Variants in COLEC10 observed in about 807,000 individuals in gnomAD.
The protein encoded by COLEC10 is collectin subfamily member 10, also known as collectin-10.
Under a neutral mutation model 28.4 loss-of-function variants are expected in COLEC10, and 22 were observed. The observed-to-expected ratio is 0.78, with a 90% CI of 0.55 to 1.11. The LOEUF (loss-of-function observed/expected upper bound fraction) is 1.11, where lower values mean the gene tolerates loss of function less well. COLEC10 is among the 50% of genes least tolerant of loss of function. The pLI, the probability that COLEC10 is intolerant of heterozygous loss-of-function variation, is 0.00. For synonymous variants in COLEC10, 125 were observed against 116.1 expected, an observed-to-expected ratio of 1.08 and a Z score of -0.49; for missense variants, 361 against 344.1, an observed-to-expected ratio of 1.05 and a Z score of -0.39.
chr8:119,070,717 A>G (rs1815103663), intron 1 of COLEC10, among the ~76,000 whole-genome samples: 1 of 151,786 alleles, frequency 6.6e-6, no homozygotes, highest in Admixed American at 6.6e-5. Flanking sequence ...TAAAATATGT[A>G]CAGCTATTAT....
intron 5 of COLEC10, among the ~76,000 whole-genome samples, chr8:119,104,325 T>G (rs1466919722): frequency 6.6e-6 from 1 of 152,174 alleles, no homozygotes; most frequent in Non-Finnish European, 1.5e-5. Flanking sequence ...GTTTATGTAG[T>G]ATGTAGTTAC....
the COLEC10 span, among the ~76,000 whole-genome samples, chr8:118,962,143 C>T: frequency 2.6e-4 from 39 of 152,302 alleles, no homozygotes; most frequent in South Asian, 2.9e-3. Flanking sequence ...CAGCATACCA[C>T]GGTCTGCTGG....
At chr8:119,061,753 G>GA (rs890608278) in intron 2 of COLEC10, among the ~76,000 whole-genome samples, 10 of 149,854 alleles carry the variant, frequency 6.7e-5, no homozygotes, top group East Asian at 3.9e-4. Context: ...ATGAAACCAA[G>GA]AAAAAAAAAG....
the COLEC10 span, among the ~76,000 whole-genome samples, chr8:118,984,340 A>G: frequency 6.6e-6 from 1 of 152,124 alleles, no homozygotes; most frequent in African/African-American, 2.4e-5. Context: ...TTGAGGGTAC[A>G]GGGTGGGAGA....
intron 1 of COLEC10, among the ~76,000 whole-genome samples, chr8:119,070,874 G>A (rs1815109270): frequency 6.6e-6 from 1 of 152,074 alleles, no homozygotes; most frequent in African/African-American, 2.4e-5. Flanking sequence ...TCATTGTCTT[G>A]TTTAATTTCC....
At chr8:119,100,342 A>C (rs761112710) in intron 3 of COLEC10, among the ~76,000 whole-genome samples, 7 of 152,188 alleles carry the variant, frequency 4.6e-5, no homozygotes, top group Non-Finnish European at 8.8e-5. Flanking sequence ...TTAGTTCATG[A>C]GATTTAATGT....
At chr8:119,104,846 G>C (rs146917251) in intron 5 of COLEC10, among the ~76,000 whole-genome samples, 432 of 152,254 alleles carry the variant, frequency 2.8e-3, no homozygotes, top group African/African-American at 1.0e-2. Context: ...GGAGAACATA[G>C]AGCAATAGTT....
chr8:119,051,679 G>T (rs1213628329), intron 2 of COLEC10, among the ~76,000 whole-genome samples: 2 of 152,162 alleles, frequency 1.3e-5, no homozygotes, highest in Non-Finnish European at 2.9e-5. Context: ...ACAATGAAAA[G>T]CTCATACCAT....
rs1207445435 is a variant in COLEC10 at position 119,069,629 on chromosome 8, A to AAT, written c.148+2231_148+2232dup. Among the ~76,000 whole-genome samples the AAT allele has an allele frequency of 5.1e-3, 219 of 42,836 alleles. 2 individuals carry two copies. The highest frequency in any genetic ancestry group is 6.7e-3 in the Non-Finnish European group (153 of 22,784). 28.1% of individuals were successfully genotyped at this position (42,836 alleles called of 152,430 possible). A position where few individuals can be genotyped will look rare whatever the true frequency, so the allele number is the denominator to read the frequency against. On this transcript the variant is annotated intron_variant, in intron 1 of 5. Coordinates refer to ENST00000332843, the MANE Select transcript of COLEC10 (RefSeq NM_006438.5). ...TCAAAAAAAAAAAAAAAAAAAAAAA[A>AAT]ATATATATATATATATATATATATA...
At chr8:118,975,971 C>G in the COLEC10 span, among the ~76,000 whole-genome samples, 1 of 151,956 alleles carries the variant, frequency 6.6e-6, no homozygotes, top group Non-Finnish European at 1.5e-5. Context: ...GAAACTGATT[C>G]AAAAAATTTG....
chr8:119,003,145 T>A (rs1341821434), intron 1 of COLEC10, among the ~76,000 whole-genome samples: 2 of 152,150 alleles, frequency 1.3e-5, no homozygotes, highest in Non-Finnish European at 2.9e-5. Context: ...TTTAAAAATG[T>A]GACAGTTATA....
At chr8:119,035,698 G>A (rs923793467) in intron 2 of COLEC10, among the ~76,000 whole-genome samples, 5 of 152,088 alleles carry the variant, frequency 3.3e-5, no homozygotes, top group African/African-American at 1.2e-4. Context: ...CAAACCATTT[G>A]CATTTTCCAA....
chr8:119,105,885 C>T lies in COLEC10; in HGVS notation c.528C>T (p.Cys176=), dbSNP rs773764995. 4.3e-6 allele frequency: 7 copies of T among 1,613,748 alleles called. No homozygotes were observed. Among genetic ancestry groups the T allele is most frequent in the Non-Finnish European group, 5.9e-6 (7 of 1,179,798 alleles). Residue 176 remains cysteine (C), a synonymous_variant, in exon 6 of 6, where the codon TGC becomes TGT. Transcript: ENST00000332843. ...EKNYRESLTH[C]RIRGGMLAMP... Reference sequence around the variant, plus strand: ...ACTACAGGGAATCCCTAACCCACTGCAGGATTCGGGGTGGAATGCTAGCCA... The same window carrying T: ...ACTACAGGGAATCCCTAACCCACTGTAGGATTCGGGGTGGAATGCTAGCCA...
intron 1 of COLEC10, among the ~76,000 whole-genome samples, chr8:119,075,915 T>TTG (rs1554628017): frequency 2.3e-5 from 2 of 85,122 alleles, no homozygotes; most frequent in African/African-American, 3.9e-5. Flanking sequence ...TTTTTTTTTT[T>TTG]TGTGAGACAG....
At chr8:118,968,518 C>A in the COLEC10 span, among the ~76,000 whole-genome samples, 1 of 151,934 alleles carries the variant, frequency 6.6e-6, no homozygotes. Context: ...CTAGGCTCCA[C>A]ATCAGCAGTG....
At chr8:118,993,074 G>A (rs545103343), upstream of COLEC10, among the ~76,000 whole-genome samples, 30 of 152,272 alleles carry the variant, frequency 2.0e-4, no homozygotes, top group Non-Finnish European at 4.4e-4. Context: ...TTGCTTAAAA[G>A]TTTGCAAAAC....
intron 3 of COLEC10, among the ~76,000 whole-genome samples, chr8:119,098,573 G>C (rs1289790841): frequency 6.6e-6 from 1 of 152,010 alleles, no homozygotes; most frequent in East Asian, 1.9e-4. Context: ...AATAAGCTCT[G>C]TTGGGACCCT....
chr8:119,091,029 T>A, intron 2 of COLEC10, 120 bp from the exon 3 acceptor site: 1 of 757,598 alleles, frequency 1.3e-6, no homozygotes, highest in Non-Finnish European at 2.3e-6. Context: ...GGGATATATA[T>A]TAGATATCAC....
chr8:118,987,962 C>G, the COLEC10 span, among the ~76,000 whole-genome samples: 1 of 152,124 alleles, frequency 6.6e-6, no homozygotes, highest in Non-Finnish European at 1.5e-5. Flanking sequence ...GCTGAACAAA[C>G]TAAAAATCAA....
Sources: allele counts gnomAD v4.1 joint callset (sites outside exome capture counted in the v4.1 genomes callset), GRCh38; gene constraint gnomAD v4.1.1; transcripts MANE v1.5; gene names NCBI Gene and HGNC (gene_info 2026-07-23, HGNC 2026-07-21).